Variants in ZFHX3 observed in about 807,000 individuals in gnomAD.
The protein encoded by ZFHX3 is zinc finger homeobox protein 3.
ZFHX3 carries 42 observed loss-of-function variants against 279.1 expected under a neutral mutation model. The ratio of observed to expected loss-of-function variants is 0.15; its 90% CI spans 0.12 to 0.19. The LOEUF (loss-of-function observed/expected upper bound fraction) is 0.19. Among genes scored for constraint, ZFHX3 ranks in the 10% least tolerant of loss-of-function variants. The pLI is 1.00. For missense variants in ZFHX3, 4,981 were observed against 4,754.0 expected (o/e 1.05, Z -1.40); for synonymous variants, 2,293 against 1,957.8 (o/e 1.17, Z -4.52).
chr16:73,475,579 T>G (rs1393145219), intron 2 of ZFHX3, among the ~76,000 whole-genome samples: 1 of 152,186 alleles, frequency 6.6e-6, no homozygotes, highest in Non-Finnish European at 1.5e-5. Flanking sequence ...TAATGCTTTT[T>G]GAAGTATTAC....
intron 1 of ZFHX3, among the ~76,000 whole-genome samples, chr16:72,974,388 A>G (rs1169386318): frequency 6.6e-6 from 1 of 152,214 alleles, no homozygotes. Context: ...TGGGCGAAGG[A>G]AAGTTTCCCA....
At chr16:73,483,282 A>C (rs1369363610) in intron 2 of ZFHX3, 1 of 429,408 alleles carries the variant, frequency 2.3e-6, no homozygotes, top group Non-Finnish European at 4.6e-6. Context: ...ACGCATAGAC[A>C]CGTGCACGGA....
intron 1 of ZFHX3, among the ~76,000 whole-genome samples, chr16:73,872,597 T>C (rs2029865160): frequency 6.6e-6 from 1 of 151,258 alleles, no homozygotes; most frequent in East Asian, 2.0e-4. Context: ...GCCCTCTGAA[T>C]AGTACATGAA....
upstream of ZFHX3, among the ~76,000 whole-genome samples, chr16:73,050,372 T>C (rs1965427464): frequency 6.6e-6 from 1 of 152,046 alleles, no homozygotes; most frequent in South Asian, 2.1e-4. Context: ...TGACCCTGAG[T>C]TCCTTTTCTT....
chr16:73,245,245 T>C (rs897844772), intron 5 of ZFHX3, among the ~76,000 whole-genome samples: 1 of 152,228 alleles, frequency 6.6e-6, no homozygotes, highest in Non-Finnish European at 1.5e-5. Flanking sequence ...ATTTTATTCA[T>C]CTTCACATCC....
At chr16:73,040,521 G>A (rs1259236270) in intron 1 of ZFHX3, among the ~76,000 whole-genome samples, 1 of 152,062 alleles carries the variant, frequency 6.6e-6, no homozygotes, top group Admixed American at 6.5e-5. Context: ...TCACTTGGAG[G>A]GCCGCCTGCC....
At chr16:73,187,288 A>C (rs1967935027) in intron 5 of ZFHX3, among the ~76,000 whole-genome samples, 1 of 152,006 alleles carries the variant, frequency 6.6e-6, no homozygotes. Flanking sequence ...GAATTCTGTC[A>C]GCTCTCAAGC....
At chr16:73,015,557 A>G (rs537752611) in intron 1 of ZFHX3, 1 of 152,372 alleles carries the variant, frequency 6.6e-6, no homozygotes, top group Admixed American at 6.5e-5. Context: ...TCTACATTCA[A>G]GAAGAATCCC....
chr16:73,213,949 A>T, intron 5 of ZFHX3, among the ~76,000 whole-genome samples: 1 of 152,150 alleles, frequency 6.6e-6, no homozygotes, highest in East Asian at 1.9e-4. Flanking sequence ...ACCCTTTATT[A>T]TTAAGAACAT....
At chr16:73,741,024 G>T (rs868601287) in intron 1 of ZFHX3, among the ~76,000 whole-genome samples, 7 of 133,932 alleles carry the variant, frequency 5.2e-5, no homozygotes, top group Non-Finnish European at 1.1e-4. Context: ...CAGCAAAAAT[G>T]GGCCTTTTTT....
In ZFHX3 at chr16:72,901,916, AC is replaced by A. The variant is rs370185632; in HGVS notation, c.3217-11955del. Among the ~76,000 whole-genome samples, 124 of 151,118 alleles carry A rather than the reference AC, an allele frequency of 8.2e-4. 3 individuals are homozygous for A. The East Asian group carries it at 0.017, about 21-fold the overall frequency. ...CACTGGGTTCTGCCCTCCTTCCCCC[AC>A]CCCCTTTTTAAGTCTCATTAAAAGC... is the stretch of plus-strand genomic sequence containing the variant. On this transcript the variant is annotated intron_variant, in intron 3 of 9. Coordinates refer to ENST00000268489, the MANE Select transcript of ZFHX3 (RefSeq NM_006885.4).
At chr16:73,665,443 A>C (rs2142179226) in intron 2 of ZFHX3, among the ~76,000 whole-genome samples, 1 of 151,736 alleles carries the variant, frequency 6.6e-6, no homozygotes, top group Non-Finnish European at 1.5e-5. Flanking sequence ...CGAACTCCTG[A>C]CCTCAAGTGA....
intron 7 of ZFHX3, among the ~76,000 whole-genome samples, chr16:73,105,408 TAC>T (rs58787364): frequency 0.018 from 1,459 of 81,170 alleles, 13 homozygotes; most frequent in Middle Eastern, 0.04. Flanking sequence ...TATATATATA[TAC>T]ACACACACAT....
chr16:73,701,761 A>C (rs1417998720), intron 1 of ZFHX3, among the ~76,000 whole-genome samples: 1 of 152,202 alleles, frequency 6.6e-6, no homozygotes, highest in Non-Finnish European at 1.5e-5. Context: ...CACTAGAATA[A>C]TATGGAGAGA....
At chr16:73,379,638 A>C (rs1010372705) in intron 3 of ZFHX3, among the ~76,000 whole-genome samples, 5 of 152,180 alleles carry the variant, frequency 3.3e-5, no homozygotes, top group African/African-American at 9.7e-5. Context: ...TGTAAGCAGA[A>C]AGGAAGAGGA....
intron 1 of ZFHX3, among the ~76,000 whole-genome samples, chr16:73,791,444 G>T (rs1332183198): frequency 6.6e-6 from 1 of 151,310 alleles, no homozygotes; most frequent in Non-Finnish European, 1.5e-5. Flanking sequence ...AATTTTTTTT[G>T]AGATGGAGTC....
chr16:73,305,814 TTA>T (rs1186666397), intron 4 of ZFHX3, among the ~76,000 whole-genome samples: 3 of 152,176 alleles, frequency 2.0e-5, no homozygotes, highest in Non-Finnish European at 4.4e-5. Flanking sequence ...GTAGAATATT[TTA>T]TGTTATAGGC....
chr16:73,139,803 A>G (rs1264822184), intron 6 of ZFHX3, among the ~76,000 whole-genome samples: 3 of 152,208 alleles, frequency 2.0e-5, no homozygotes, highest in African/African-American at 7.2e-5. Context: ...TCATCCTCAT[A>G]TCATCTTTGT....
At chr16:73,227,369 G>A (rs557285770) in intron 5 of ZFHX3, among the ~76,000 whole-genome samples, 1 of 152,306 alleles carries the variant, frequency 6.6e-6, no homozygotes, top group South Asian at 2.1e-4. Flanking sequence ...CCAAGCTCCA[G>A]GTAGAGTGCA....
Sources: gnomAD v4.1 joint callset for allele counts (sites outside exome capture counted in the v4.1 genomes callset) on GRCh38, gnomAD v4.1.1 for gene constraint, MANE v1.5 for transcripts, NCBI Gene and HGNC (gene_info 2026-07-23, HGNC 2026-07-21) for gene names.